LRP1B: variants seen among roughly 807,000 people sequenced by gnomAD.
LRP1B encodes the protein LDL receptor related protein 1B.
In LRP1B, 217 loss-of-function variants were observed where a neutral mutation model predicts 556.6. The observed-to-expected ratio is 0.39, with a 90% CI of 0.35 to 0.44. The LOEUF (loss-of-function observed/expected upper bound fraction) is 0.44, where lower values mean the gene tolerates loss of function less well. Ranked by LOEUF, LRP1B falls within the 20% of genes least tolerant of loss-of-function variation. The pLI is 1.00. For synonymous variants in LRP1B, 2,047 were observed against 1,865.8 expected (o/e 1.10, Z -2.50); for missense variants, 5,053 against 5,620.8 (o/e 0.90, Z 3.23).
At chr2:141,089,403 C>A (rs554899190) in intron 7 of LRP1B, among the ~76,000 whole-genome samples, 1 of 152,216 alleles carries the variant, frequency 6.6e-6, no homozygotes, top group African/African-American at 2.4e-5. Context: ...TTATCTAGAT[C>A]TGTATCGGAG....
intron 2 of LRP1B, among the ~76,000 whole-genome samples, chr2:141,794,587 A>T (rs1695738218): frequency 6.6e-6 from 1 of 151,986 alleles, no homozygotes. Flanking sequence ...TTTGATCACC[A>T]TATGTGATAT....
chr2:140,966,068 C>G (rs945175097), intron 18 of LRP1B, among the ~76,000 whole-genome samples: 7 of 152,134 alleles, frequency 4.6e-5, no homozygotes, highest in African/African-American at 1.7e-4. Flanking sequence ...GGGTATATAC[C>G]CAGTAATGGG....
intron 3 of LRP1B, among the ~76,000 whole-genome samples, chr2:141,319,647 T>C (rs960101528): frequency 3.9e-5 from 6 of 152,076 alleles, no homozygotes; most frequent in African/African-American, 1.4e-4. Context: ...CAACATTGAC[T>C]TTGGGGATTA....
chr2:141,801,554 C>T (rs1177742629), intron 2 of LRP1B, among the ~76,000 whole-genome samples: 1 of 152,156 alleles, frequency 6.6e-6, no homozygotes, highest in African/African-American at 2.4e-5. Context: ...TCAGACAAAC[C>T]TACTTTTGAA....
intron 51 of LRP1B, among the ~76,000 whole-genome samples, chr2:140,513,890 G>C (rs1385879947): frequency 6.6e-6 from 1 of 151,920 alleles, no homozygotes; most frequent in Non-Finnish European, 1.5e-5. Context: ...AGGTACAAAT[G>C]CATGTACAGA....
In LRP1B at chr2:141,901,008, T is replaced by C. The variant is rs558326110; in HGVS notation, c.83-90607A>G. On this transcript the variant is annotated intron_variant, in intron 1 of 90. Coordinates refer to ENST00000389484, the MANE Select transcript of LRP1B (RefSeq NM_018557.3). The stretch of plus-strand genomic sequence containing the variant: ...GGTGTATTCATCCTAGATTACATCC[T>C]GAGAAAGTGTAAAGGTGGTCAGAAA... 2.6e-5 allele frequency among the ~76,000 whole-genome samples: 4 copies of C among 152,120 alleles called. No homozygotes were observed. The East Asian group carries it at 7.8e-4, about 30-fold the overall frequency.
chr2:141,921,239 T>G (rs1389609421), intron 1 of LRP1B, among the ~76,000 whole-genome samples: 1 of 152,030 alleles, frequency 6.6e-6, no homozygotes, highest in Non-Finnish European at 1.5e-5. Context: ...ACATGAATAT[T>G]TTGAGTAATT....
At chr2:140,583,421 T>C (rs994926055) in intron 43 of LRP1B, among the ~76,000 whole-genome samples, 3 of 151,950 alleles carry the variant, frequency 2.0e-5, no homozygotes, top group African/African-American at 7.3e-5. Flanking sequence ...AGTGATCCAC[T>C]TGCCTTGACC....
At position 141,229,438 on chromosome 2, in the gene LRP1B, G is replaced by A. The variant is rs1683376916; in HGVS notation, c.595C>T (p.Pro199Ser). The change falls in exon 6 of 91, where the codon CCT (proline) becomes TCT (serine). Residue 199 changes from proline (P) to serine (S), a missense_variant and splice_region_variant. This residue lies in a region of LRP1B where 3,619 missense variants were observed against 3,931.9 expected (regional missense o/e 0.92). Transcript: ENST00000389484. ...DNRSCKAKIE[P>S]TDRPPILLIA... ...AATAGTATAGGTGGTCTATCTGTAGGTTCTGGAATAAAATAGAAAAAGAGA... is the reference window on the plus strand; with the variant it reads ...AATAGTATAGGTGGTCTATCTGTAGATTCTGGAATAAAATAGAAAAAGAGA... 1.3e-6 allele frequency: 2 copies of A among 1,544,352 alleles called. No individual in the cohort carries two copies. Among genetic ancestry groups the A allele is most frequent in the African/African-American group, 1.4e-5 (1 of 72,482 alleles).
intron 35 of LRP1B, among the ~76,000 whole-genome samples, chr2:140,725,405 C>G (rs1687557936): frequency 6.6e-6 from 1 of 151,410 alleles, no homozygotes; most frequent in Non-Finnish European, 1.5e-5. Flanking sequence ...GAAATACAAA[C>G]AGTGAAATAG....
At chr2:140,412,646 A>T (rs76131682) in intron 66 of LRP1B, among the ~76,000 whole-genome samples, 3,097 of 152,182 alleles carry the variant, frequency 0.02, 35 homozygotes, top group African/African-American at 0.028. Context: ...GTAATTGTAC[A>T]TAATTCTCTC....
intron 3 of LRP1B, among the ~76,000 whole-genome samples, chr2:141,423,949 G>C (rs533938073): frequency 2.0e-5 from 3 of 151,938 alleles, no homozygotes; most frequent in East Asian, 3.9e-4. Flanking sequence ...GTGTGTCTCA[G>C]TATCAATAAC....
At chr2:141,632,668 A>G (rs964485606) in intron 2 of LRP1B, among the ~76,000 whole-genome samples, 37 of 152,254 alleles carry the variant, frequency 2.4e-4, no homozygotes, top group African/African-American at 8.9e-4. Context: ...TTTGTTTTAT[A>G]ATTCAACATA....
chr2:140,753,780 C>T (rs1688658731), intron 35 of LRP1B, among the ~76,000 whole-genome samples: 1 of 152,058 alleles, frequency 6.6e-6, no homozygotes, highest in Non-Finnish European at 1.5e-5. Flanking sequence ...CTTTGGCTCC[C>T]AATAAAAAGT....
chr2:141,911,173 T>C (rs1427326294), intron 1 of LRP1B, among the ~76,000 whole-genome samples: 3 of 152,168 alleles, frequency 2.0e-5, no homozygotes, highest in Admixed American at 2.0e-4. Flanking sequence ...GATAGATTGG[T>C]TGGCTTAAAA....
At chr2:141,328,534 C>G (rs1687515970) in intron 3 of LRP1B, among the ~76,000 whole-genome samples, 1 of 152,190 alleles carries the variant, frequency 6.6e-6, no homozygotes, top group South Asian at 2.1e-4. Flanking sequence ...GATATAACTT[C>G]AGGGAAGAGT....
At chr2:140,257,622 C>T (rs1441785602) in intron 86 of LRP1B, among the ~76,000 whole-genome samples, 2 of 152,146 alleles carry the variant, frequency 1.3e-5, no homozygotes, top group Non-Finnish European at 2.9e-5. Context: ...AACCTACGAC[C>T]TCTTACCTAG....
intron 43 of LRP1B, among the ~76,000 whole-genome samples, chr2:140,569,551 C>T (rs1681246981): frequency 6.6e-6 from 1 of 151,712 alleles, no homozygotes; most frequent in Non-Finnish European, 1.5e-5. Context: ...ACAATATAAA[C>T]CAAATGTTAT....
At chr2:141,291,846 ACT>A (rs1685967819) in intron 3 of LRP1B, among the ~76,000 whole-genome samples, 1 of 109,294 alleles carries the variant, frequency 9.1e-6, no homozygotes, top group Non-Finnish European at 1.7e-5. Context: ...AAAGAGCGAG[ACT>A]CTGTCTCAAA....
Sources: allele counts gnomAD v4.1 joint callset (sites outside exome capture counted in the v4.1 genomes callset), GRCh38; gene constraint gnomAD v4.1.1; regional missense constraint gnomAD v4.1.1; transcripts MANE v1.5; gene names NCBI Gene and HGNC (gene_info 2026-07-23, HGNC 2026-07-21).